The following PID1 variants were observed in gnomAD, a reference collection of about 807,000 sequenced individuals.
The protein encoded by PID1 is PTB-containing, cubilin and LRP1-interacting protein.
In PID1, 10 loss-of-function variants were observed where a neutral mutation model predicts 19.1. That is an observed-to-expected ratio of 0.52 (90% CI 0.32 to 0.89). The LOEUF (loss-of-function observed/expected upper bound fraction) is 0.89. Ranked by LOEUF, PID1 falls within the 40% of genes least tolerant of loss-of-function variation. PID1 has a pLI of 0.03. For synonymous variants in PID1, 130 were observed against 116.0 expected, an observed-to-expected ratio of 1.12 and a Z score of -0.78; for missense variants, 248 against 285.3, an observed-to-expected ratio of 0.87 and a Z score of 0.94.
intron 1 of PID1, among the ~76,000 whole-genome samples, chr2:229,206,792 A>G (rs2106245703): frequency 6.6e-6 from 1 of 152,280 alleles, no homozygotes; most frequent in Non-Finnish European, 1.5e-5. Context: ...CAACACCAAG[A>G]GCCTATTTAT....
At position 229,204,964 on chromosome 2, in the gene PID1, C is replaced by T. The variant is rs112380404; in HGVS notation, c.31-49000G>A. ...TACAAAAAAATGACTTTGGTATTTA[C>T]GTTATTAAGACCTTTTGGATGAAAT... On this transcript the variant is annotated intron_variant, in intron 1 of 2. Coordinates refer to ENST00000392055, the MANE Select transcript of PID1 (RefSeq NM_001100818.2). Among the ~76,000 whole-genome samples the T allele has an allele frequency of 4.2e-3, 639 of 152,136 alleles. 3 individuals carry two copies. The highest frequency in any genetic ancestry group is 0.014 in the African/African-American group (593 of 41,506).
At chr2:229,144,723 A>G (rs1186274707) in intron 2 of PID1, among the ~76,000 whole-genome samples, 7 of 152,154 alleles carry the variant, frequency 4.6e-5, no homozygotes, top group African/African-American at 1.7e-4. Flanking sequence ...TTGGATATGT[A>G]AAGGTAAACA....
chr2:229,143,280 G>A (rs1305027214), intron 2 of PID1, among the ~76,000 whole-genome samples: 1 of 150,878 alleles, frequency 6.6e-6, no homozygotes, highest in Non-Finnish European at 1.5e-5. Flanking sequence ...ACACCAGCAT[G>A]GCACATGTAT....
chr2:229,115,939 A>G (rs968108982), intron 2 of PID1, among the ~76,000 whole-genome samples: 2 of 152,130 alleles, frequency 1.3e-5, no homozygotes, highest in African/African-American at 4.8e-5. Flanking sequence ...TTTAAAAATC[A>G]TTTTAATCAT....
At chr2:229,240,035 G>C (rs575202286) in intron 1 of PID1, among the ~76,000 whole-genome samples, 1 of 152,120 alleles carries the variant, frequency 6.6e-6, no homozygotes, top group Non-Finnish European at 1.5e-5. Flanking sequence ...CTGCTGGAAA[G>C]TATGTCACCT....
At chr2:229,027,209 A>G (rs1693444101) in intron 2 of PID1, among the ~76,000 whole-genome samples, 1 of 152,236 alleles carries the variant, frequency 6.6e-6, no homozygotes, top group Non-Finnish European at 1.5e-5. Context: ...ATTAAAACAC[A>G]GAAGTTAAGG....
At chr2:229,083,296 C>A (rs1254604617) in intron 2 of PID1, among the ~76,000 whole-genome samples, 1 of 152,178 alleles carries the variant, frequency 6.6e-6, no homozygotes, top group Non-Finnish European at 1.5e-5. Context: ...AAGTAATGGA[C>A]TGCCCAGCAC....
intron 1 of PID1, among the ~76,000 whole-genome samples, chr2:229,217,670 A>G (rs954643611): frequency 6.6e-6 from 1 of 152,214 alleles, no homozygotes; most frequent in Non-Finnish European, 1.5e-5. Context: ...TTCAAATAAT[A>G]CAGAGATACT....
At chr2:229,047,925 G>T (rs563523371) in intron 2 of PID1, among the ~76,000 whole-genome samples, 1 of 152,114 alleles carries the variant, frequency 6.6e-6, no homozygotes, top group Non-Finnish European at 1.5e-5. Context: ...AGCCAGAGAT[G>T]CTGCAATCAC....
Position 229,090,497 on chromosome 2 carries a change from T to C in PID1, c.178-64389A>G, listed in dbSNP as rs893574541. Among the ~76,000 whole-genome samples, 37 of 152,156 alleles carry C rather than the reference T, an allele frequency of 2.4e-4. 1 individual carries two copies. The highest frequency in any genetic ancestry group is 8.4e-4 in the African/African-American group (35 of 41,454). ...TGGTTGTCAAAGGGCAACTGCAGTG[T>C]CCAGTGTTGTGGCTTGTAGCTTCCA... is the stretch of plus-strand genomic sequence containing the variant. On this transcript the variant is annotated intron_variant, in intron 2 of 2. Transcript: ENST00000392055.
chr2:229,234,600 T>C (rs1197817313), intron 1 of PID1, among the ~76,000 whole-genome samples: 2 of 152,176 alleles, frequency 1.3e-5, no homozygotes, highest in African/African-American at 2.4e-5. Flanking sequence ...CATAAATCTG[T>C]ATCATTTTAA....
At chr2:229,227,025 G>T (rs1307365616) in intron 1 of PID1, among the ~76,000 whole-genome samples, 1 of 152,156 alleles carries the variant, frequency 6.6e-6, no homozygotes, top group Non-Finnish European at 1.5e-5. Flanking sequence ...CAGAGAAATT[G>T]TTCTTCTGGT....
chr2:229,163,994 G>A (rs1690548902), intron 1 of PID1, among the ~76,000 whole-genome samples: 1 of 152,064 alleles, frequency 6.6e-6, no homozygotes, highest in African/African-American at 2.4e-5. Flanking sequence ...ATATTTCCAT[G>A]TCTTTTGAAA....
At chr2:229,061,036 A>C (rs1221220101) in intron 2 of PID1, among the ~76,000 whole-genome samples, 1 of 152,076 alleles carries the variant, frequency 6.6e-6, no homozygotes, top group Non-Finnish European at 1.5e-5. Flanking sequence ...AATGGTTTGC[A>C]AATATTTTCT....
chr2:229,172,064 G>T (rs543096606), intron 1 of PID1, among the ~76,000 whole-genome samples: 8 of 152,288 alleles, frequency 5.3e-5, no homozygotes, highest in South Asian at 2.1e-4. Context: ...AGGAGTTATG[G>T]CCTAGGCTCG....
chr2:229,101,570 A>G (rs1019980962), intron 2 of PID1, among the ~76,000 whole-genome samples: 1 of 152,212 alleles, frequency 6.6e-6, no homozygotes, highest in South Asian at 2.1e-4. Flanking sequence ...TGCGTGTATT[A>G]CCTCATTTAA....
chr2:229,172,831 G>C (rs1406550522), intron 1 of PID1, among the ~76,000 whole-genome samples: 2 of 151,942 alleles, frequency 1.3e-5, no homozygotes, highest in Admixed American at 6.6e-5. Flanking sequence ...TCCTGGGTTC[G>C]AGCAATTCTC....
chr2:229,070,638 A>C (rs1369760846), intron 2 of PID1, among the ~76,000 whole-genome samples: 3 of 152,200 alleles, frequency 2.0e-5, no homozygotes, highest in Non-Finnish European at 4.4e-5. Context: ...TCATACCAAG[A>C]GGGCATGAAA....
chr2:229,152,713 C>T (rs1007677966), intron 2 of PID1, among the ~76,000 whole-genome samples: 3 of 151,646 alleles, frequency 2.0e-5, no homozygotes, highest in Non-Finnish European at 2.9e-5. Context: ...CCCAGCTGCC[C>T]GAAACATGAA....
Sources: allele counts gnomAD v4.1 joint callset (sites outside exome capture counted in the v4.1 genomes callset), GRCh38; gene constraint gnomAD v4.1.1; transcripts MANE v1.5; gene names NCBI Gene and HGNC (gene_info 2026-07-23, HGNC 2026-07-21).